The following SOX5 variants were observed in gnomAD, a reference collection of about 807,000 sequenced individuals.
SOX5 encodes the protein transcription factor SOX-5.
SOX5 carries 9 observed loss-of-function variants against 92.0 expected under a neutral mutation model. That is an observed-to-expected ratio of 0.10 (90% CI 0.06 to 0.17). SOX5 has a LOEUF of 0.17. Among genes scored for constraint, SOX5 ranks in the 10% least tolerant of loss-of-function variants. The pLI, the probability that SOX5 is intolerant of heterozygous loss-of-function variation, is 1.00. For synonymous variants in SOX5, 344 were observed against 336.3 expected (o/e 1.02, Z -0.25); for missense variants, 642 against 944.5 (o/e 0.68, Z 4.20).
chr12:23,648,416 A>T (rs1358425445), intron 7 of SOX5, among the ~76,000 whole-genome samples: 2 of 152,206 alleles, frequency 1.3e-5, no homozygotes, highest in African/African-American at 4.8e-5. Flanking sequence ...CTACAAATTG[A>T]TATGTTCAAG....
chr12:24,056,234 AG>A (rs1446735837), intron 4 of SOX5, among the ~76,000 whole-genome samples: 1 of 152,164 alleles, frequency 6.6e-6, no homozygotes, highest in Non-Finnish European at 1.5e-5. Context: ...ACCTTTGAAA[AG>A]TCCAAGACCG....
chr12:23,672,534 T>C (rs775222686), intron 6 of SOX5, among the ~76,000 whole-genome samples: 1 of 152,152 alleles, frequency 6.6e-6, no homozygotes, highest in Non-Finnish European at 1.5e-5. Context: ...GAGGTGAAGA[T>C]AGTTTGCAAG....
intron 1 of SOX5, among the ~76,000 whole-genome samples, chr12:24,428,979 T>C (rs879321147): frequency 4.6e-5 from 7 of 152,014 alleles, no homozygotes; most frequent in Non-Finnish European, 1.0e-4. Context: ...TCTGTGCCTA[T>C]TGCTGTGGTT....
intron 4 of SOX5, among the ~76,000 whole-genome samples, chr12:23,988,474 C>T (rs533723370): frequency 5.9e-5 from 9 of 152,202 alleles, no homozygotes; most frequent in East Asian, 1.9e-4. Context: ...ATTTTGTATT[C>T]GCTTCTTTGG....
intron 3 of SOX5, among the ~76,000 whole-genome samples, chr12:24,257,751 G>A (rs963736153): frequency 2.0e-5 from 3 of 152,010 alleles, no homozygotes; most frequent in African/African-American, 4.8e-5. Context: ...ACTGGGATGA[G>A]CCACCGTACC....
chr12:23,787,359 G>A (rs1403195353), intron 3 of SOX5, among the ~76,000 whole-genome samples: 1 of 151,874 alleles, frequency 6.6e-6, no homozygotes, highest in Non-Finnish European at 1.5e-5. Context: ...AAAACAGTAT[G>A]AAAGAATTTT....
intron 3 of SOX5, among the ~76,000 whole-genome samples, chr12:23,787,429 C>G (rs182124651): frequency 2.0e-5 from 3 of 151,792 alleles, no homozygotes; most frequent in African/African-American, 7.3e-5. Context: ...AGATTTAAAC[C>G]GACTAATTTT....
intron 4 of SOX5, among the ~76,000 whole-genome samples, chr12:24,204,773 C>T (rs1957864262): frequency 6.6e-6 from 1 of 152,138 alleles, no homozygotes; most frequent in Non-Finnish European, 1.5e-5. Flanking sequence ...CTTTGCATTC[C>T]CATCAGCAAT....
chr12:23,668,022 C>G (rs554078492), intron 6 of SOX5, among the ~76,000 whole-genome samples: 34 of 152,254 alleles, frequency 2.2e-4, no homozygotes, highest in Non-Finnish European at 2.9e-4. Context: ...GTGCACAAAG[C>G]AGGTAACAAT....
chr12:24,445,587 G>A (rs1360776227), intron 1 of SOX5, among the ~76,000 whole-genome samples: 1 of 152,198 alleles, frequency 6.6e-6, no homozygotes, highest in Non-Finnish European at 1.5e-5. Context: ...ACATAGCACT[G>A]ATTTTGTTGT....
chr12:23,773,578 G>C (rs1053395563), intron 3 of SOX5, among the ~76,000 whole-genome samples: 2 of 152,072 alleles, frequency 1.3e-5, no homozygotes, highest in African/African-American at 4.8e-5. Flanking sequence ...TACCATGTTG[G>C]CCAGGCTGGT....
intron 4 of SOX5, among the ~76,000 whole-genome samples, chr12:24,108,255 T>C (rs902980901): frequency 6.6e-6 from 1 of 152,232 alleles, no homozygotes; most frequent in African/African-American, 2.4e-5. Flanking sequence ...TGCAGAAATC[T>C]ATTTCACTTA....
At chr12:24,186,618 G>A (rs915946869) in intron 4 of SOX5, among the ~76,000 whole-genome samples, 1 of 151,960 alleles carries the variant, frequency 6.6e-6, no homozygotes, top group Non-Finnish European at 1.5e-5. Context: ...ACATATAGAA[G>A]ATACTGTGAT....
At chr12:23,781,349 A>T (rs559046174) in intron 3 of SOX5, among the ~76,000 whole-genome samples, 24 of 151,930 alleles carry the variant, frequency 1.6e-4, no homozygotes, top group South Asian at 1.5e-3. Flanking sequence ...ATGTGTTATG[A>T]TACTGCTAAC....
At chr12:23,681,294 TGATA>T (rs1288851408) in intron 6 of SOX5, among the ~76,000 whole-genome samples, 2 of 150,990 alleles carry the variant, frequency 1.3e-5, no homozygotes, top group African/African-American at 4.9e-5. Context: ...ATACCCAAAC[TGATA>T]AATAGAAAAT....
chr12:23,770,113 G>T (rs1278461273), intron 3 of SOX5, among the ~76,000 whole-genome samples: 2 of 117,660 alleles, frequency 1.7e-5, no homozygotes, highest in Admixed American at 1.0e-4. Flanking sequence ...TTCTATCAAA[G>T]AACAATTTGC....
intron 8 of SOX5, among the ~76,000 whole-genome samples, chr12:23,631,087 G>A (rs1443612740): frequency 1.3e-5 from 2 of 151,794 alleles, no homozygotes; most frequent in African/African-American, 4.8e-5. Flanking sequence ...TAAACCATAC[G>A]AATAATGGAT....
At chr12:23,845,201 A>G (rs942341798) in intron 3 of SOX5, among the ~76,000 whole-genome samples, 2 of 152,210 alleles carry the variant, frequency 1.3e-5, no homozygotes, top group Non-Finnish European at 2.9e-5. Flanking sequence ...TATTTGTTTT[A>G]AATTTCCATC....
At chr12:24,275,676 A>C (rs1376403754) in intron 3 of SOX5, among the ~76,000 whole-genome samples, 2 of 152,164 alleles carry the variant, frequency 1.3e-5, no homozygotes, top group Non-Finnish European at 2.9e-5. Context: ...TATCTTGTTT[A>C]AACTGTTATG....
Sources: allele counts gnomAD v4.1 joint callset (sites outside exome capture counted in the v4.1 genomes callset), GRCh38; gene constraint gnomAD v4.1.1; transcripts MANE v1.5; gene names NCBI Gene and HGNC (gene_info 2026-07-23, HGNC 2026-07-21).